The following ALDH1L1 variants were observed in gnomAD, a reference collection of about 807,000 sequenced individuals.
ALDH1L1 encodes cytosolic 10-formyltetrahydrofolate dehydrogenase.
A neutral mutation model predicts 101.1 loss-of-function variants in ALDH1L1; 68 were observed. The ratio of observed to expected loss-of-function variants is 0.67; its 90% CI spans 0.55 to 0.82. The LOEUF is 0.82. Ranked by LOEUF, ALDH1L1 falls within the 40% of genes least tolerant of loss-of-function variation. ALDH1L1 has a pLI of 0.00. For synonymous variants in ALDH1L1, 486 were observed against 470.8 expected (o/e 1.03, Z -0.42); for missense variants, 1,087 against 1,172.7 (o/e 0.93, Z 1.07).
rs1576397748 is a variant in ALDH1L1, at chr3:126,103,668, T to C, written c.*123A>G. Reference sequence around the variant, plus strand: ...GAGGGCGTCCAAGATGCAGACATGGTGTGCAGGCAGGAGGGCTTCCACTAG... The same window carrying C: ...GAGGGCGTCCAAGATGCAGACATGGCGTGCAGGCAGGAGGGCTTCCACTAG... On this transcript the variant is annotated 3_prime_UTR_variant, in exon 23 of 23. Transcript: ENST00000393434. 3.0e-6 allele frequency: 3 copies of C among 990,544 alleles called. No individual in the cohort carries two copies. The highest frequency in any genetic ancestry group is 4.6e-6 in the Non-Finnish European group (3 of 654,878). The allele number at this position is 990,544 out of a possible 1,614,324, so 61.4% of individuals were successfully genotyped here.
chr3:126,182,152 T>C (rs114781998), upstream of ALDH1L1, among the ~76,000 whole-genome samples: 620 of 150,980 alleles, frequency 4.1e-3, 6 homozygotes, highest in African/African-American at 0.015. Flanking sequence ...ACTTTATTTA[T>C]TTATTTTTTT....
chr3:126,179,175 C>G (rs1045588063), intron 1 of ALDH1L1, among the ~76,000 whole-genome samples: 1 of 152,240 alleles, frequency 6.6e-6, no homozygotes, highest in South Asian at 2.1e-4. Flanking sequence ...CCTCCTCCCC[C>G]AGTCATGGCC....
intron 10 of ALDH1L1, 104 bp downstream of exon 10, chr3:126,137,709 C>T (rs2080477351): frequency 6.8e-7 from 1 of 1,480,914 alleles, no homozygotes; most frequent in East Asian, 2.3e-5. Context: ...TCCTGGGGCC[C>T]TGGCTTTCTG....
At chr3:126,169,334 A>G (rs1406430925) in intron 1 of ALDH1L1, among the ~76,000 whole-genome samples, 2 of 152,216 alleles carry the variant, frequency 1.3e-5, no homozygotes, top group East Asian at 3.8e-4. Flanking sequence ...TTTAAAAACT[A>G]GTTATAAGCA....
upstream of ALDH1L1, among the ~76,000 whole-genome samples, chr3:126,186,305 C>T (rs79864698): frequency 6.6e-6 from 1 of 152,222 alleles, no homozygotes; most frequent in Admixed American, 6.5e-5. Flanking sequence ...AGCAACTGGG[C>T]CTTCTTGGAA....
chr3:126,141,006 T>C (rs2080556913), intron 9 of ALDH1L1, among the ~76,000 whole-genome samples: 1 of 151,982 alleles, frequency 6.6e-6, no homozygotes, highest in Non-Finnish European at 1.5e-5. Context: ...AGGCACAAAT[T>C]GGATGACTGG....
chr3:126,163,078 A>G (rs1328797723), intron 1 of ALDH1L1, among the ~76,000 whole-genome samples: 3 of 152,184 alleles, frequency 2.0e-5, no homozygotes, highest in Admixed American at 6.5e-5. Context: ...GCTTTATTGT[A>G]GCTGATCTAC....
intron 2 of ALDH1L1, chr3:126,159,612 C>A: frequency 2.2e-6 from 1 of 444,780 alleles, no homozygotes; most frequent in Non-Finnish European, 4.5e-6. Flanking sequence ...GCAGATTGGA[C>A]TGCACTTGCA....
At chr3:126,174,333 A>G (rs151043011) in intron 1 of ALDH1L1, among the ~76,000 whole-genome samples, 1 of 152,218 alleles carries the variant, frequency 6.6e-6, no homozygotes, top group Admixed American at 6.5e-5. Flanking sequence ...CCTGGCCAGT[A>G]CCCACTAACT....
intron 1 of ALDH1L1, 119 bp from the exon 2 acceptor site, chr3:126,161,121 C>A (rs1262432795): frequency 8.2e-7 from 1 of 1,226,910 alleles, no homozygotes; most frequent in Admixed American, 2.7e-5. Flanking sequence ...CCCTCTGTGG[C>A]TCTGTGGGTG....
chr3:126,124,106 C>T (rs373807214), intron 16 of ALDH1L1, among the ~76,000 whole-genome samples: 6,722 of 127,116 alleles, frequency 0.053, 467 homozygotes, highest in African/African-American at 0.19. Context: ...TTCCAGGGCG[C>T]GCGGACACAC....
At chr3:126,152,966 T>G (rs1306138472) in intron 7 of ALDH1L1, 9 of 261,122 alleles carry the variant, frequency 3.4e-5, no homozygotes, top group Non-Finnish European at 3.7e-5. Flanking sequence ...AGTTGTAGTC[T>G]GCTAATAACA....
chr3:126,157,586 T>C, intron 3 of ALDH1L1, 78 bp from the exon 4 acceptor site: 2 of 1,504,164 alleles, frequency 1.3e-6, no homozygotes, highest in Non-Finnish European at 9.0e-7. Flanking sequence ...CCCGTGGACC[T>C]GCCACCCTCC....
chr3:126,191,371 G>A (rs2081552485), intron 1 of ALDH1L1, among the ~76,000 whole-genome samples: 1 of 152,182 alleles, frequency 6.6e-6, no homozygotes, highest in South Asian at 2.1e-4. Flanking sequence ...TCAGCTGCGG[G>A]GGCTGACTGC....
intron 1 of ALDH1L1, among the ~76,000 whole-genome samples, chr3:126,173,287 T>A (rs889084901): frequency 2.0e-5 from 3 of 152,188 alleles, no homozygotes; most frequent in African/African-American, 7.2e-5. Flanking sequence ...AAATGAATGA[T>A]AGCAGTAATA....
chr3:126,166,160 CCTT>C (rs766115360), intron 1 of ALDH1L1, among the ~76,000 whole-genome samples: 1 of 152,144 alleles, frequency 6.6e-6, no homozygotes, highest in Non-Finnish European at 1.5e-5. Context: ...CACCCCTCGT[CCTT>C]CTCCACCGGT....
At chr3:126,154,449 C>A in intron 6 of ALDH1L1, 105 bp downstream of exon 6, 2 of 1,182,016 alleles carry the variant, frequency 1.7e-6, no homozygotes, top group East Asian at 2.4e-5. Flanking sequence ...GGGGCCAGGG[C>A]AGTAGCTATT....
At chr3:126,185,311 A>C (rs2081507983), upstream of ALDH1L1, among the ~76,000 whole-genome samples, 1 of 152,212 alleles carries the variant, frequency 6.6e-6, no homozygotes, top group Non-Finnish European at 1.5e-5. Flanking sequence ...GGCCCCCAGA[A>C]ACTCACTGTA....
intron 19 of ALDH1L1, among the ~76,000 whole-genome samples, chr3:126,110,778 C>T (rs961196333): frequency 6.6e-6 from 1 of 152,166 alleles, no homozygotes; most frequent in African/African-American, 2.4e-5. Context: ...AACCCGGTTG[C>T]TTTTGTTCCT....
Sources: allele counts gnomAD v4.1 joint callset (sites outside exome capture counted in the v4.1 genomes callset), GRCh38; gene constraint gnomAD v4.1.1; transcripts MANE v1.5; gene names NCBI Gene and HGNC (gene_info 2026-07-23, HGNC 2026-07-21).